ARHGAP24: variants seen among roughly 807,000 people sequenced by gnomAD.
ARHGAP24 encodes the protein Rho GTPase activating protein 24, also known as rho GTPase-activating protein 24.
ARHGAP24 carries 50 observed loss-of-function variants against 76.4 expected under a neutral mutation model. The observed-to-expected ratio is 0.65, with a 90% CI of 0.52 to 0.83. The LOEUF (loss-of-function observed/expected upper bound fraction) is 0.83, where lower values mean the gene tolerates loss of function less well. ARHGAP24 is among the 40% of genes least tolerant of loss of function. ARHGAP24 has a pLI of 0.00. For synonymous variants in ARHGAP24, 345 were observed against 323.3 expected, an observed-to-expected ratio of 1.07 and a Z score of -0.72; for missense variants, 930 against 914.2, an observed-to-expected ratio of 1.02 and a Z score of -0.22.
chr4:85,900,640 G>A (rs1460135366), intron 3 of ARHGAP24, among the ~76,000 whole-genome samples: 2 of 152,098 alleles, frequency 1.3e-5, no homozygotes, highest in East Asian at 1.9e-4. Context: ...TGGCCAGGCT[G>A]ATCTCAAACT....
At chr4:85,588,628 G>C (rs1727961427) in intron 2 of ARHGAP24, among the ~76,000 whole-genome samples, 1 of 152,042 alleles carries the variant, frequency 6.6e-6, no homozygotes, top group African/African-American at 2.4e-5. Context: ...TTTGGACGTG[G>C]GCATCTGATT....
intron 3 of ARHGAP24, among the ~76,000 whole-genome samples, chr4:85,876,770 A>G (rs1732959899): frequency 6.6e-6 from 1 of 152,210 alleles, no homozygotes; most frequent in East Asian, 1.9e-4. Context: ...CACACGTAAC[A>G]TCAGTGGTAC....
chr4:85,675,599 T>A (rs1423722742), intron 2 of ARHGAP24, among the ~76,000 whole-genome samples: 1 of 152,174 alleles, frequency 6.6e-6, no homozygotes, highest in Non-Finnish European at 1.5e-5. Context: ...GAGATCCGCC[T>A]TCCCAAGATG....
chr4:85,675,492 A>G (rs1294244400), intron 2 of ARHGAP24, among the ~76,000 whole-genome samples: 5 of 152,222 alleles, frequency 3.3e-5, no homozygotes, highest in Admixed American at 1.3e-4. Flanking sequence ...TGCAGTGGCC[A>G]AAAGAACCTG....
At chr4:85,920,040 T>A (rs771161183) in intron 3 of ARHGAP24, among the ~76,000 whole-genome samples, 34 of 152,218 alleles carry the variant, frequency 2.2e-4, no homozygotes, top group Non-Finnish European at 4.4e-4. Flanking sequence ...GTAATTTTAA[T>A]GTGCTTTGGT....
intron 1 of ARHGAP24, among the ~76,000 whole-genome samples, chr4:85,526,383 G>A (rs1175301300): frequency 5.0e-4 from 74 of 146,704 alleles, no homozygotes; most frequent in Admixed American, 4.9e-3. Flanking sequence ...CTGGGCGACA[G>A]AGCAAGACCC....
intron 3 of ARHGAP24, among the ~76,000 whole-genome samples, chr4:85,824,102 C>T (rs1001031256): frequency 6.6e-6 from 1 of 152,132 alleles, no homozygotes; most frequent in African/African-American, 2.4e-5. Context: ...ATGGTTTTAA[C>T]TCTATAGCTG....
At chr4:85,840,375 G>A (rs1031238744) in intron 3 of ARHGAP24, among the ~76,000 whole-genome samples, 4 of 152,112 alleles carry the variant, frequency 2.6e-5, no homozygotes, top group East Asian at 1.9e-4. Flanking sequence ...TTTAAGCCCC[G>A]GGCTAGTCTA....
chr4:85,882,507 C>T, intron 3 of ARHGAP24, among the ~76,000 whole-genome samples: 1 of 152,122 alleles, frequency 6.6e-6, no homozygotes, highest in East Asian at 1.9e-4. Flanking sequence ...GTTCCAGGAA[C>T]TTGGCCAGTT....
chr4:85,834,397 T>A (rs345368), intron 3 of ARHGAP24, among the ~76,000 whole-genome samples: 80,562 of 152,056 alleles, frequency 0.53, 23,430 homozygotes, highest in Non-Finnish European at 0.67. Context: ...TAAAAGAATA[T>A]TTTAAAACAC....
At chr4:85,818,036 A>T (rs115466718) in intron 3 of ARHGAP24, among the ~76,000 whole-genome samples, 1,531 of 152,352 alleles carry the variant, frequency 0.01, 16 homozygotes, top group African/African-American at 0.016. Context: ...AGAGCTTGGC[A>T]CATAGAAAAT....
intron 9 of ARHGAP24, among the ~76,000 whole-genome samples, chr4:85,998,453 T>C (rs148626429): frequency 3.4e-4 from 52 of 152,268 alleles, no homozygotes; most frequent in African/African-American, 1.2e-3. Flanking sequence ...ACTTTCAAAC[T>C]TTGTTTGATG....
chr4:85,729,077 TA>T (rs1388896400), intron 3 of ARHGAP24, among the ~76,000 whole-genome samples: 1 of 152,210 alleles, frequency 6.6e-6, no homozygotes, highest in Non-Finnish European at 1.5e-5. Context: ...TTCTGTAAGT[TA>T]AAATCCATGC....
intron 3 of ARHGAP24, among the ~76,000 whole-genome samples, chr4:85,793,998 C>T (rs1728238070): frequency 6.6e-6 from 1 of 152,152 alleles, no homozygotes; most frequent in South Asian, 2.1e-4. Context: ...TGTCATACAA[C>T]TTGCTATTTT....
intron 3 of ARHGAP24, among the ~76,000 whole-genome samples, chr4:85,722,737 G>T (rs752984472): frequency 6.6e-6 from 1 of 152,118 alleles, no homozygotes; most frequent in Non-Finnish European, 1.5e-5. Context: ...AAAAAGGGAG[G>T]TAGGAATCTG....
intron 3 of ARHGAP24, among the ~76,000 whole-genome samples, chr4:85,836,890 T>A (rs1218534189): frequency 6.6e-6 from 1 of 152,162 alleles, no homozygotes; most frequent in African/African-American, 2.4e-5. Context: ...TTAACCTAGA[T>A]CCCCAGATGT....
At chr4:85,631,014 T>TAC (rs1457954011) in intron 2 of ARHGAP24, among the ~76,000 whole-genome samples, 2 of 151,888 alleles carry the variant, frequency 1.3e-5, no homozygotes, top group East Asian at 3.9e-4. Context: ...TGCATGTGTA[T>TAC]ACACACACAC....
At chr4:85,835,912 C>G (rs1317344350) in intron 3 of ARHGAP24, among the ~76,000 whole-genome samples, 1 of 152,148 alleles carries the variant, frequency 6.6e-6, no homozygotes, top group African/African-American at 2.4e-5. Context: ...TCTGGAACAC[C>G]TGAGCTCAAG....
chr4:85,512,950 C>A (rs1322592289), intron 1 of ARHGAP24, among the ~76,000 whole-genome samples: 1 of 152,212 alleles, frequency 6.6e-6, no homozygotes, highest in Admixed American at 6.5e-5. Context: ...TGAATGTGTT[C>A]TCCAGAGTGG....
Sources: gnomAD v4.1 joint callset for allele counts (sites outside exome capture counted in the v4.1 genomes callset) on GRCh38, gnomAD v4.1.1 for gene constraint, MANE v1.5 for transcripts, NCBI Gene and HGNC (gene_info 2026-07-23, HGNC 2026-07-21) for gene names.